TMC5: variants seen among roughly 807,000 people sequenced by gnomAD.
The protein encoded by TMC5 is transmembrane channel like 5.
In TMC5, 86 loss-of-function variants were observed where a neutral mutation model predicts 110.5. The ratio of observed to expected loss-of-function variants is 0.78; its 90% CI spans 0.65 to 0.93. The LOEUF is 0.93. TMC5 is among the 40% of genes least tolerant of loss of function. TMC5 has a pLI of 0.00. For synonymous variants in TMC5, 455 were observed against 439.5 expected, an observed-to-expected ratio of 1.04 and a Z score of -0.44; for missense variants, 1,144 against 1,222.8, an observed-to-expected ratio of 0.94 and a Z score of 0.96.
At chr16:19,487,662 A>G (rs746916873) in intron 17 of TMC5, among the ~76,000 whole-genome samples, 1 of 151,898 alleles carries the variant, frequency 6.6e-6, no homozygotes, top group Non-Finnish European at 1.5e-5. Context: ...AGATTGCACC[A>G]TTGCGCTCCA....
rs749782994 is a variant in TMC5, at chr16:19,490,438, C to T, written c.2617C>T (p.Leu873Phe). 1.2e-6 allele frequency: 2 copies of T among 1,614,174 alleles called. No homozygotes were observed. The highest frequency in any genetic ancestry group is 1.7e-6 in the Non-Finnish European group (2 of 1,180,034). ...CTGTGGCCCTTTTCGAGGTCTGCCTCTCTTCATTCACTCCATCTACAGCTG... is the reference window on the plus strand; with the variant it reads ...CTGTGGCCCTTTTCGAGGTCTGCCTTTCTTCATTCACTCCATCTACAGCTG... Reference protein sequence around the residue: ...ADCGPFRGLPLFIHSIYSWID... With the variant: ...ADCGPFRGLPFFIHSIYSWID... The change falls in exon 18 of 22, where the codon CTC becomes TTC. Residue 873 changes from leucine (L) to phenylalanine (F), a missense_variant. By Grantham distance (22) the Leu-to-Phe change is conservative. Transcript: ENST00000542583.
intron 21 of TMC5, 124 bp downstream of exon 21, chr16:19,497,287 T>C: frequency 1.0e-6 from 1 of 988,960 alleles, no homozygotes; most frequent in Non-Finnish European, 1.5e-6. Context: ...CCAAACTGGC[T>C]TAAACAAAAT....
intron 4 of TMC5, among the ~76,000 whole-genome samples, chr16:19,448,015 T>A (rs76487101): frequency 0.07 from 10,649 of 151,842 alleles, 754 homozygotes; most frequent in African/African-American, 0.19. Context: ...CCCATTAAAA[T>A]GTGCTCCATT....
In TMC5 at chr16:19,437,933, C is replaced by T. The variant is rs1262021653; in HGVS notation, c.-79-2027C>T. 3.9e-5 allele frequency among the ~76,000 whole-genome samples: 6 copies of T among 152,276 alleles called. No individual in the cohort carries two copies. The East Asian group carries it at 5.8e-4, about 15-fold the overall frequency. Reference sequence around the variant, plus strand: ...TGGAGGACTGACTGGGTTTACATGCCCATTCTTGAGCCAAACTCTGTGGCC... The same window carrying T: ...TGGAGGACTGACTGGGTTTACATGCTCATTCTTGAGCCAAACTCTGTGGCC... On this transcript the variant is annotated intron_variant, in intron 2 of 21. Coordinates refer to ENST00000542583, the MANE Select transcript of TMC5 (RefSeq NM_001261841.2).
In TMC5 at chr16:19,456,669, C is replaced by T. The variant is rs149584166; in HGVS notation, c.1049-3566C>T. On this transcript the variant is annotated intron_variant, in intron 5 of 21. Transcript: ENST00000542583. ...ACTGCTGTATGAAGTCTCAGGAAGC[C>T]CACCCCAGTGGAGAAGAAGGCTTGC... 1.5e-5 allele frequency: 23 copies of T among 1,578,756 alleles called. No individual in the cohort carries two copies. In the East Asian group the frequency reaches 4.7e-4, roughly 32 times the overall value.
At chr16:19,478,253 AAGT>A (rs1196985110) in intron 13 of TMC5, among the ~76,000 whole-genome samples, 5 of 152,152 alleles carry the variant, frequency 3.3e-5, no homozygotes, top group African/African-American at 1.2e-4. Context: ...CTGGGGTTGG[AAGT>A]AGAGTCAGGA....
chr16:19,469,908 T>A, intron 10 of TMC5, 83 bp downstream of exon 10: 2 of 1,501,598 alleles, frequency 1.3e-6, no homozygotes, highest in South Asian at 1.2e-5. Context: ...CTTTTTTTTT[T>A]TTTTGAATTG....
chr16:19,470,421 A>T (rs980588606), intron 10 of TMC5, among the ~76,000 whole-genome samples: 1 of 151,734 alleles, frequency 6.6e-6, no homozygotes, highest in Non-Finnish European at 1.5e-5. Flanking sequence ...TCCTAGCCTC[A>T]AGTGATCCAC....
chr16:19,463,652 T>C (rs781089095), intron 7 of TMC5, 124 bp from the exon 8 acceptor site: 6 of 1,216,330 alleles, frequency 4.9e-6, no homozygotes, highest in Non-Finnish European at 7.0e-6. Context: ...TAAACATGCC[T>C]AGCATGGTGC....
chr16:19,477,125 G>A (rs1968508821), intron 12 of TMC5: 1 of 240,052 alleles, frequency 4.2e-6, no homozygotes, highest in Non-Finnish European at 8.3e-6. Flanking sequence ...GCGGGCGCCT[G>A]TAGTCCCAGC....
chr16:19,436,038 T>G (rs1379045049), intron 2 of TMC5, among the ~76,000 whole-genome samples: 2 of 151,898 alleles, frequency 1.3e-5, no homozygotes, highest in East Asian at 3.9e-4. Flanking sequence ...GAGGTAGGTG[T>G]TTCACCTGAG....
At chr16:19,479,115 G>T (rs1968554437) in intron 13 of TMC5, among the ~76,000 whole-genome samples, 1 of 152,152 alleles carries the variant, frequency 6.6e-6, no homozygotes. Context: ...ATTACCCTTG[G>T]CTGAGAAATG....
chr16:19,426,833 G>A (rs537966704), intron 1 of TMC5, among the ~76,000 whole-genome samples: 5 of 151,814 alleles, frequency 3.3e-5, no homozygotes, highest in Non-Finnish European at 5.9e-5. Flanking sequence ...CCTGCTCCTC[G>A]CTGGCTGATC....
chr16:19,494,085 G>A (rs954782544), intron 19 of TMC5, among the ~76,000 whole-genome samples, 177 bp from the exon 20 acceptor site: 9 of 152,006 alleles, frequency 5.9e-5, no homozygotes, highest in African/African-American at 2.2e-4. Flanking sequence ...GGGATAATTT[G>A]GTTTTACTGT....
chr16:19,434,703 G>A (rs1443741498), intron 2 of TMC5, among the ~76,000 whole-genome samples: 2 of 151,928 alleles, frequency 1.3e-5, no homozygotes, highest in African/African-American at 4.8e-5. Flanking sequence ...TTTGGAAGTT[G>A]CCAGGGTTTA....
chr16:19,457,650 T>C (rs1967913112), intron 5 of TMC5, among the ~76,000 whole-genome samples: 1 of 147,578 alleles, frequency 6.8e-6, no homozygotes, highest in Admixed American at 6.9e-5. Context: ...CAGATAAATT[T>C]AGTGACCTGG....
Position 19,469,710 on chromosome 16 carries a change from T to C in TMC5, c.1667T>C (p.Ile556Thr), listed in dbSNP as rs1490842130. 1 of 1,614,134 alleles carries C rather than the reference T, an allele frequency of 6.2e-7. No homozygotes were observed. The highest frequency in any genetic ancestry group is 1.1e-5 in the South Asian group (1 of 91,088). Reference sequence around the variant, plus strand: ...GCCAAGTATTTCCGGAACAACTTCATTAATCCCCACATTTACTCCGGAGGG... The same window carrying C: ...GCCAAGTATTTCCGGAACAACTTCACTAATCCCCACATTTACTCCGGAGGG... ...SMAKYFRNNF[I>T]NPHIYSGGIT... Residue 556 changes from isoleucine to threonine, a missense_variant, in exon 10 of 22, where the codon ATT (isoleucine) becomes ACT (threonine). Coordinates refer to ENST00000542583, the MANE Select transcript of TMC5 (RefSeq NM_001261841.2).
chr16:19,493,786 A>G (rs1968979255), intron 19 of TMC5, among the ~76,000 whole-genome samples: 1 of 152,058 alleles, frequency 6.6e-6, no homozygotes. Context: ...CTTTTACTCT[A>G]TAACCATTTA....
chr16:19,457,935 C>A (rs945324242), intron 5 of TMC5, among the ~76,000 whole-genome samples: 14 of 151,384 alleles, frequency 9.2e-5, no homozygotes, highest in African/African-American at 2.9e-4. Flanking sequence ...TGTTGGCCAA[C>A]CTTGTCTCGA....
Sources: allele counts gnomAD v4.1 joint callset (sites outside exome capture counted in the v4.1 genomes callset), GRCh38; gene constraint gnomAD v4.1.1; transcripts MANE v1.5; gene names NCBI Gene and HGNC (gene_info 2026-07-23, HGNC 2026-07-21).